The following MICAL2 variants were observed in gnomAD, a reference collection of about 807,000 sequenced individuals.
The protein encoded by MICAL2 is [F-actin]-monooxygenase MICAL2.
A neutral mutation model predicts 127.3 loss-of-function variants in MICAL2; 77 were observed. The ratio of observed to expected loss-of-function variants is 0.60; its 90% CI spans 0.50 to 0.73. The LOEUF (loss-of-function observed/expected upper bound fraction) is 0.73, where lower values mean the gene tolerates loss of function less well. MICAL2 is among the 30% of genes least tolerant of loss of function. MICAL2 has a pLI of 0.00. For synonymous variants in MICAL2, 570 were observed against 551.1 expected, an observed-to-expected ratio of 1.03 and a Z score of -0.48; for missense variants, 1,351 against 1,434.4, an observed-to-expected ratio of 0.94 and a Z score of 0.94.
Position 12,255,720 on chromosome 11 carries a change from A to T in MICAL2, c.2925A>T (p.Arg975Ser). The T allele has an allele frequency of 6.2e-7, 1 of 1,613,886 alleles. No homozygotes were observed. Among genetic ancestry groups the T allele is most frequent in the Non-Finnish European group, 8.5e-7 (1 of 1,179,914 alleles). ...VLVNLYMNDH[R>S]PKAQATSPDL... Reference sequence around the variant, plus strand: ...TCAATCTGTACATGAATGATCACAGACCTAAGGCCCAGGCCACCTCTCCAG... The same window carrying T: ...TCAATCTGTACATGAATGATCACAGTCCTAAGGCCCAGGCCACCTCTCCAG... The change falls in exon 23 of 28, where the codon AGA (arginine) becomes AGT (serine). Residue 975 changes from arginine (R) to serine (S), a missense_variant. Physicochemically the swap from Arg to Ser is moderately radical, Grantham distance 110 (BLOSUM62 -1). This residue lies in a region of MICAL2 where 752 missense variants were observed against 719.4 expected (regional missense o/e 1.05). Transcript: ENST00000683283.
At chr11:12,149,660 A>C (rs1853352934) in intron 2 of MICAL2, among the ~76,000 whole-genome samples, 1 of 152,208 alleles carries the variant, frequency 6.6e-6, no homozygotes, top group Admixed American at 6.5e-5. Context: ...TTGGCTGCAG[A>C]GTCACGATGG....
Position 12,330,900 on chromosome 11 carries a change from A to AGAGAGAGT in MICAL2, c.5515+3635_5515+3636insAGAGAGTG, listed in dbSNP as rs1238311364. 3.8e-3 allele frequency among the ~76,000 whole-genome samples: 449 copies of AGAGAGAGT among 119,426 alleles called. 7 individuals are homozygous for AGAGAGAGT. The highest frequency in any genetic ancestry group is 7.5e-3 in the Admixed American group (89 of 11,794). The allele number at this position is 119,426 out of a possible 152,430, so 78.3% of individuals were successfully genotyped here. On this transcript the variant is annotated intron_variant, in intron 32 of 34. Transcript: ENST00000646065. The stretch of plus-strand genomic sequence containing the variant: ...GAGAGAGACAGAGAGAGAGAGAGAG[A>AGAGAGAGT]GTGTGTGTGTGTGTGTGTGTGTGTG...
chr11:12,189,991 T>C (rs544707333), intron 3 of MICAL2, among the ~76,000 whole-genome samples: 55 of 152,362 alleles, frequency 3.6e-4, no homozygotes, highest in African/African-American at 1.3e-3. Flanking sequence ...AGCCTCCCGA[T>C]GTCTAGACAC....
At chr11:12,226,651 G>GGTTTTT (rs397978478) in intron 14 of MICAL2, among the ~76,000 whole-genome samples, 1 of 126,370 alleles carries the variant, frequency 7.9e-6, no homozygotes, top group African/African-American at 3.0e-5. Flanking sequence ...TTTGTTTTTG[G>GGTTTTT]TTTTTTTTTT....
At chr11:12,221,216 AC>A (rs1335758327) in intron 9 of MICAL2, among the ~76,000 whole-genome samples, 1 of 151,932 alleles carries the variant, frequency 6.6e-6, no homozygotes, top group Non-Finnish European at 1.5e-5. Context: ...TCCATGTTAC[AC>A]CCAGAACAGA....
At chr11:12,224,435 C>A in intron 12 of MICAL2, 1 of 534,582 alleles carries the variant, frequency 1.9e-6, no homozygotes, top group Non-Finnish European at 3.4e-6. Context: ...CACAGTAGGT[C>A]TTAGGAACTC....
intron 6 of MICAL2, among the ~76,000 whole-genome samples, chr11:12,211,659 G>C (rs564198784): frequency 2.6e-5 from 4 of 152,208 alleles, no homozygotes; most frequent in Non-Finnish European, 5.9e-5. Context: ...CTGTTGAAAA[G>C]TGGCCATCTG....
At chr11:12,225,225 C>A (rs34818123) in intron 13 of MICAL2, among the ~76,000 whole-genome samples, 7,248 of 152,298 alleles carry the variant, frequency 0.048, 235 homozygotes, top group Non-Finnish European at 0.072. Context: ...GATCCATAAG[C>A]TGTGTGTCCT....
intron 29 of MICAL2, among the ~76,000 whole-genome samples, chr11:12,309,682 TATACTCAG>T (rs1171074731): frequency 9.8e-5 from 15 of 152,328 alleles, no homozygotes; most frequent in African/African-American, 3.1e-4. Context: ...CTTTGCGTTA[TATACTCAG>T]CAGTAGGCCT....
chr11:12,220,494 C>G, intron 9 of MICAL2, 36 bp downstream of exon 9: 5 of 1,593,714 alleles, frequency 3.1e-6, no homozygotes, highest in Non-Finnish European at 4.3e-6. Context: ...TGTTTCTCTG[C>G]GAGACAGATC....
intron 26 of MICAL2, chr11:12,262,000 G>T: frequency 1.0e-6 from 1 of 1,000,082 alleles, no homozygotes. Flanking sequence ...CATGAAGCCC[G>T]AGTCGGAATC....
intron 16 of MICAL2, among the ~76,000 whole-genome samples, chr11:12,237,668 G>A (rs1430991387): frequency 1.3e-5 from 2 of 152,140 alleles, no homozygotes; most frequent in Non-Finnish European, 2.9e-5. Flanking sequence ...GTCTCCTGGG[G>A]CAACGGTTTT....
chr11:12,260,785 G>A, intron 26 of MICAL2: 1 of 985,470 alleles, frequency 1.0e-6, no homozygotes, highest in South Asian at 4.7e-5. Flanking sequence ...CCCCCTGGGA[G>A]GAGGACTGTT....
intron 32 of MICAL2, among the ~76,000 whole-genome samples, chr11:12,347,248 A>C (rs547231407): frequency 2.5e-4 from 38 of 152,200 alleles, no homozygotes; most frequent in African/African-American, 8.7e-4. Context: ...GATCAGGAGA[A>C]TCCTCCCTCC....
Position 12,204,353 on chromosome 11 carries a change from G to A in MICAL2, c.368G>A (p.Arg123Gln), listed in dbSNP as rs145511874. 3 of 1,614,082 alleles carry A rather than the reference G, an allele frequency of 1.9e-6. No individual in the cohort carries two copies. The highest frequency in any genetic ancestry group is 1.7e-6 in the Non-Finnish European group (2 of 1,179,996). ...GTGGAGAAGAGGGACTCCTTCTCCCGGAACAACGTGCTACACCTCTGGCCT... is the reference window on the plus strand; with the variant it reads ...GTGGAGAAGAGGGACTCCTTCTCCCAGAACAACGTGCTACACCTCTGGCCT... Reference protein sequence around the residue: ...VVVEKRDSFSRNNVLHLWPFT... With the variant: ...VVVEKRDSFSQNNVLHLWPFT... Residue 123 changes from arginine to glutamine, a missense_variant, in exon 4 of 28, where the codon CGG becomes CAG. Transcript: ENST00000683283.
intron 3 of MICAL2, among the ~76,000 whole-genome samples, chr11:12,201,574 G>C (rs2134105119): frequency 1.3e-5 from 2 of 152,152 alleles, no homozygotes; most frequent in Middle Eastern, 3.4e-3. Context: ...CATTCTTTCA[G>C]CCAGAGTATT....
chr11:12,178,461 T>C (rs1857077033), intron 3 of MICAL2, among the ~76,000 whole-genome samples: 1 of 148,184 alleles, frequency 6.7e-6, no homozygotes, highest in Middle Eastern at 3.4e-3. Context: ...ACATGTAAGG[T>C]ATGGGGGTGG....
intron 25 of MICAL2, among the ~76,000 whole-genome samples, chr11:12,258,899 G>A (rs1248936317): frequency 6.6e-6 from 1 of 152,202 alleles, no homozygotes; most frequent in Non-Finnish European, 1.5e-5. Flanking sequence ...TGGCCACAAG[G>A]TGCTGTTTGC....
At chr11:12,314,531 T>C (rs548404038) in intron 29 of MICAL2, among the ~76,000 whole-genome samples, 1 of 151,914 alleles carries the variant, frequency 6.6e-6, no homozygotes, top group Non-Finnish European at 1.5e-5. Flanking sequence ...CAGGCTGGAG[T>C]GCAGTGGCGC....
Sources: gnomAD v4.1 joint callset for allele counts (sites outside exome capture counted in the v4.1 genomes callset) on GRCh38, gnomAD v4.1.1 for gene constraint, gnomAD v4.1.1 regional missense constraint, MANE v1.5 for transcripts, NCBI Gene and HGNC (gene_info 2026-07-23, HGNC 2026-07-21) for gene names.